Variants in FER observed in about 807,000 individuals in gnomAD.
FER encodes the protein tyrosine-protein kinase Fer.
A neutral mutation model predicts 111.0 loss-of-function variants in FER; 63 were observed. The observed-to-expected ratio is 0.57, with a 90% CI of 0.46 to 0.70. The LOEUF is 0.70. Among genes scored for constraint, FER ranks in the 30% least tolerant of loss-of-function variants. The pLI, the probability that FER is intolerant of heterozygous loss-of-function variation, is 0.00. For missense variants in FER, 914 were observed against 954.0 expected (o/e 0.96, Z 0.55); for synonymous variants, 327 against 313.9 (o/e 1.04, Z -0.44).
At chr5:109,079,717 C>G (rs1776767343) in intron 16 of FER, among the ~76,000 whole-genome samples, 1 of 151,960 alleles carries the variant, frequency 6.6e-6, no homozygotes, top group Admixed American at 6.6e-5. Context: ...TTATGGTTAC[C>G]TCAAAGAAAT....
At chr5:108,979,644 GATATAATACA>G (rs1490184066) in intron 13 of FER, among the ~76,000 whole-genome samples, 3 of 152,080 alleles carry the variant, frequency 2.0e-5, no homozygotes, top group African/African-American at 7.2e-5. Flanking sequence ...GTTCATACTT[GATATAATACA>G]ATAGAAGTTT....
intron 17 of FER, among the ~76,000 whole-genome samples, chr5:109,129,650 G>A (rs1752140772): frequency 6.6e-6 from 1 of 151,978 alleles, no homozygotes; most frequent in Non-Finnish European, 1.5e-5. Flanking sequence ...ATATAAAAAT[G>A]AGCAAAGAAC....
intron 16 of FER, among the ~76,000 whole-genome samples, chr5:109,087,853 A>G (rs908807526): frequency 1.3e-5 from 2 of 151,876 alleles, no homozygotes; most frequent in Admixed American, 6.6e-5. Flanking sequence ...GATGTTCATG[A>G]TTTTACAGAA....
intron 7 of FER, 97 bp downstream of exon 7, chr5:108,871,599 C>A (rs759217129): frequency 5.9e-6 from 5 of 842,760 alleles, no homozygotes; most frequent in Non-Finnish European, 8.7e-6. Context: ...TACTTAAGAT[C>A]TTATTAAGAC....
chr5:108,987,217 A>G (rs1762669053), intron 13 of FER, among the ~76,000 whole-genome samples: 1 of 152,140 alleles, frequency 6.6e-6, no homozygotes, highest in African/African-American at 2.4e-5. Context: ...AAGCCAAGGT[A>G]GGCAGATCAC....
At chr5:108,967,608 A>C (rs985729970) in intron 13 of FER, among the ~76,000 whole-genome samples, 2 of 151,910 alleles carry the variant, frequency 1.3e-5, no homozygotes, top group African/African-American at 4.8e-5. Flanking sequence ...AAAAATACAA[A>C]AATTAGCTGG....
chr5:109,128,195 A>G (rs750027845), intron 17 of FER, among the ~76,000 whole-genome samples: 4 of 152,078 alleles, frequency 2.6e-5, no homozygotes, highest in Non-Finnish European at 5.9e-5. Flanking sequence ...TGATCACACA[A>G]GTCAGTAGCA....
At chr5:108,992,130 C>G (rs991954732) in intron 13 of FER, among the ~76,000 whole-genome samples, 98 of 152,154 alleles carry the variant, frequency 6.4e-4, no homozygotes, top group African/African-American at 2.3e-3. Context: ...CATCTTGCAC[C>G]GCCCTTAATC....
intron 8 of FER, among the ~76,000 whole-genome samples, chr5:108,878,177 G>A (rs865899813): frequency 5.9e-5 from 9 of 152,070 alleles, no homozygotes; most frequent in African/African-American, 2.2e-4. Flanking sequence ...AAAGTGCTGC[G>A]ATTACATTCG....
chr5:108,772,808 C>G (rs1056508635), intron 2 of FER, among the ~76,000 whole-genome samples: 5 of 152,198 alleles, frequency 3.3e-5, no homozygotes, highest in Non-Finnish European at 4.4e-5. Context: ...TACTCACCTT[C>G]TAACCAGGAA....
At chr5:108,806,259 C>T (rs547631400) in intron 3 of FER, among the ~76,000 whole-genome samples, 1 of 152,314 alleles carries the variant, frequency 6.6e-6, no homozygotes, top group East Asian at 1.9e-4. Flanking sequence ...GGAACCTCCT[C>T]CTAGATTTCT....
At chr5:108,921,809 G>A (rs1753053833) in intron 10 of FER, among the ~76,000 whole-genome samples, 1 of 152,130 alleles carries the variant, frequency 6.6e-6, no homozygotes. Context: ...AGGAATAGAT[G>A]TTTATTTGAC....
At chr5:108,871,697 T>C (rs1267810454) in intron 7 of FER, among the ~76,000 whole-genome samples, 195 bp downstream of exon 7, 2 of 152,062 alleles carry the variant, frequency 1.3e-5, no homozygotes, top group East Asian at 1.9e-4. Context: ...GTTTTTGATA[T>C]GTAAAAATTT....
intron 13 of FER, among the ~76,000 whole-genome samples, chr5:109,017,840 C>A (rs1767386276): frequency 6.6e-6 from 1 of 151,884 alleles, no homozygotes; most frequent in Non-Finnish European, 1.5e-5. Context: ...TGTTTTCCCT[C>A]AATTATGAGA....
chr5:108,989,292 G>A (rs937083402), intron 13 of FER, among the ~76,000 whole-genome samples: 1 of 152,082 alleles, frequency 6.6e-6, no homozygotes, highest in African/African-American at 2.4e-5. Flanking sequence ...GATGGATAAT[G>A]CTGATCTGTT....
intron 16 of FER, among the ~76,000 whole-genome samples, chr5:109,050,556 A>G (rs1772646112): frequency 6.6e-6 from 1 of 152,216 alleles, no homozygotes; most frequent in Non-Finnish European, 1.5e-5. Context: ...GTGACATCCC[A>G]ACTGTCTTAA....
intron 3 of FER, among the ~76,000 whole-genome samples, chr5:108,799,849 T>A (rs997494755): frequency 6.7e-6 from 1 of 150,320 alleles, no homozygotes; most frequent in African/African-American, 2.4e-5. Flanking sequence ...TTCTTTTCTT[T>A]TTTTTTTTTT....
intron 16 of FER, chr5:109,051,505 C>T (rs1258408512): frequency 1.5e-5 from 24 of 1,607,308 alleles, no homozygotes; most frequent in African/African-American, 2.8e-5. Context: ...CTGCCCCATT[C>T]GATTTTGTTC....
intron 5 of FER, among the ~76,000 whole-genome samples, chr5:108,845,361 C>G (rs1231774147): frequency 1.3e-5 from 2 of 150,988 alleles, no homozygotes; most frequent in Non-Finnish European, 3.0e-5. Flanking sequence ...ATATATTTTT[C>G]CAGTAGAGAT....
Sources: gnomAD v4.1 joint callset for allele counts (sites outside exome capture counted in the v4.1 genomes callset) on GRCh38, gnomAD v4.1.1 for gene constraint, MANE v1.5 for transcripts, NCBI Gene and HGNC (gene_info 2026-07-23, HGNC 2026-07-21) for gene names.